DCUN1D2: variants seen among roughly 807,000 people sequenced by gnomAD.
DCUN1D2 encodes DCN1-like protein 2.
In DCUN1D2, 29 loss-of-function variants were observed where a neutral mutation model predicts 30.9. The observed-to-expected ratio is 0.94, with a 90% CI of 0.70 to 1.28. DCUN1D2 has a LOEUF of 1.28. DCUN1D2 is among the 50% of genes most tolerant of loss of function. The pLI, the probability that DCUN1D2 is intolerant of heterozygous loss-of-function variation, is 0.00. For synonymous variants in DCUN1D2, 121 were observed against 115.3 expected (o/e 1.05, Z -0.32); for missense variants, 325 against 316.9 (o/e 1.03, Z -0.19).
At chr13:113,463,813 CACAA>C (rs1047185942) in intron 4 of DCUN1D2, among the ~76,000 whole-genome samples, 6 of 152,006 alleles carry the variant, frequency 3.9e-5, no homozygotes, top group African/African-American at 1.4e-4. Flanking sequence ...TATAAACAGA[CACAA>C]ACACACACAC....
intron 4 of DCUN1D2, among the ~76,000 whole-genome samples, chr13:113,473,613 C>A (rs749991258): frequency 1.3e-5 from 2 of 151,796 alleles, no homozygotes; most frequent in Admixed American, 6.5e-5. Flanking sequence ...AGTTGAGAGA[C>A]GCTATCAACT....
chr13:113,490,679 G>C lies in DCUN1D2; in HGVS notation c.-10C>G. Reference sequence around the variant, plus strand: ...CCGGGCCACCTACCATCTCCCCCGCGCCGCCCGCTTCTGGCCGGCCCCGGC... The same window carrying C: ...CCGGGCCACCTACCATCTCCCCCGCCCCGCCCGCTTCTGGCCGGCCCCGGC... On this transcript the variant is annotated 5_prime_UTR_variant, in exon 1 of 7. Transcript: ENST00000478244. The surrounding 1 kb of genome is among the most constrained non-coding windows in gnomAD (Gnocchi z 5.2). 1 of 1,243,758 alleles carries C rather than the reference G, an allele frequency of 8.0e-7. No homozygotes were observed. Among genetic ancestry groups the C allele is most frequent in the Non-Finnish European group, 1.0e-6 (1 of 992,352 alleles). 77.0% of individuals were successfully genotyped at this position (1,243,758 alleles called of 1,614,324 possible).
intron 4 of DCUN1D2, among the ~76,000 whole-genome samples, chr13:113,465,634 G>A (rs1374519102): frequency 6.6e-6 from 1 of 150,890 alleles, no homozygotes; most frequent in Non-Finnish European, 1.5e-5. Context: ...CTCATCTCAA[G>A]TCTTCCTCCA....
intron 3 of DCUN1D2, among the ~76,000 whole-genome samples, chr13:113,478,549 T>C (rs1242688027): frequency 2.0e-5 from 3 of 152,180 alleles, no homozygotes; most frequent in African/African-American, 7.2e-5. Context: ...TCTTTTTCTA[T>C]TTCTTGAGAT....
chr13:113,484,293 T>A, intron 1 of DCUN1D2: 3 of 828,620 alleles, frequency 3.6e-6, no homozygotes, highest in Non-Finnish European at 5.3e-6. Context: ...TACATTCTGA[T>A]CTCTATCCAG....
upstream of DCUN1D2, chr13:113,491,134 G>A (rs1190462483): frequency 6.6e-6 from 1 of 152,574 alleles, no homozygotes; most frequent in African/African-American, 2.4e-5. Flanking sequence ...AGGGATGCAA[G>A]GAAGCCCTCC....
chr13:113,468,264 G>A (rs900134589), intron 4 of DCUN1D2, among the ~76,000 whole-genome samples: 2 of 152,028 alleles, frequency 1.3e-5, no homozygotes, highest in African/African-American at 2.4e-5. Flanking sequence ...TATACCAAGC[G>A]GAATGAGCTG....
At chr13:113,470,231 GGTTTGTATCCCCGGAGCCAT>G (rs2044478734) in intron 4 of DCUN1D2, among the ~76,000 whole-genome samples, 1 of 152,182 alleles carries the variant, frequency 6.6e-6, no homozygotes, top group Non-Finnish European at 1.5e-5. Context: ...ACGCTGTCCA[GGTTTGTATCCCCGGAGCCAT>G]GGGCTGTGCC....
chr13:113,480,267 C>T (rs1008882238), intron 3 of DCUN1D2, among the ~76,000 whole-genome samples: 9 of 151,016 alleles, frequency 6.0e-5, no homozygotes, highest in Non-Finnish European at 1.0e-4. Flanking sequence ...TGAAATAACA[C>T]GAATGAACTG....
chr13:113,467,280 C>T (rs1402977679), intron 4 of DCUN1D2, among the ~76,000 whole-genome samples: 1 of 152,158 alleles, frequency 6.6e-6, no homozygotes, highest in Non-Finnish European at 1.5e-5. Flanking sequence ...GAGGACGTGA[C>T]AGCCTCTGAG....
rs1376681653 is a variant in DCUN1D2, at chr13:113,483,972, A to G, written c.88T>C (p.Leu30=). 1 of 1,614,120 alleles carries G rather than the reference A, an allele frequency of 6.2e-7. No homozygotes were observed. Among genetic ancestry groups the G allele is most frequent in the Non-Finnish European group, 8.5e-7 (1 of 1,180,062 alleles). Residue 30 remains leucine (L), a synonymous_variant, in exon 2 of 7, where the codon TTA becomes CTA. Transcript: ENST00000478244. The part of the protein sequence containing the change: ...QAGERTAIYC[L]TQNEWRLDEA... ...TCTAGTCTCCACTCATTCTGCGTTA[A>G]GCAGTAGATAGCAGTTCTCTCGCCA...
At chr13:113,472,920 C>T (rs1035870160) in intron 4 of DCUN1D2, among the ~76,000 whole-genome samples, 3 of 152,148 alleles carry the variant, frequency 2.0e-5, no homozygotes, top group African/African-American at 7.2e-5. Context: ...TGTTCTCTCT[C>T]ACCAGCCCCG....
At position 113,483,893 on chromosome 13, in the gene DCUN1D2, A is replaced by C. The variant is rs746740224; in HGVS notation, c.167T>G (p.Met56Arg). ...CTTCTTCTTGTCCACAGCGTTCCGC[A>C]TGGACTCCCTGTGGAGCGAGTCTGG... ...QNPDSLHRES[M>R]RNAVDKKKLE... Residue 56 changes from methionine (M) to arginine (R), a missense_variant, in exon 2 of 7, where the codon ATG becomes AGG. Transcript: ENST00000478244. The C allele has an allele frequency of 3.1e-6, 5 of 1,613,740 alleles. 1 individual carries two copies. The South Asian group carries it at 5.5e-5, about 18-fold the overall frequency.
At chr13:113,474,978 C>G (rs2044588600) in intron 3 of DCUN1D2, among the ~76,000 whole-genome samples, 1 of 152,146 alleles carries the variant, frequency 6.6e-6, no homozygotes, top group South Asian at 2.1e-4. Flanking sequence ...CCTTTAAAAA[C>G]AGTCAACAGC....
intron 2 of DCUN1D2, among the ~76,000 whole-genome samples, chr13:113,481,874 A>AAAG (rs1424180097): frequency 4.6e-5 from 7 of 152,124 alleles, no homozygotes; most frequent in African/African-American, 1.7e-4. Flanking sequence ...ACAAAAAAAA[A>AAAG]AAAAAAGAAA....
At position 113,490,471 on chromosome 13, in the gene DCUN1D2, TC is replaced by T. The variant is rs1382736250; in HGVS notation, c.3+195del. 3.9e-6 allele frequency: 2 copies of T among 517,258 alleles called. No individual in the cohort carries two copies. The highest frequency in any genetic ancestry group is 5.9e-6 in the Non-Finnish European group (2 of 339,256). The allele number at this position is 517,258 out of a possible 1,614,324, so 32.0% of individuals were successfully genotyped here. ...TCGCGGCTCCGGGTCAAACCCGCGCTCCCCGCGGTCCCGCGCCTCCGACGCC... is the reference window on the plus strand; with the variant it reads ...TCGCGGCTCCGGGTCAAACCCGCGCTCCCGCGGTCCCGCGCCTCCGACGCC... On this transcript the variant is annotated intron_variant, in intron 1 of 6. Coordinates refer to ENST00000478244, the MANE Select transcript of DCUN1D2 (RefSeq NM_001014283.2). The surrounding 1 kb of genome is among the most constrained non-coding windows in gnomAD (Gnocchi z 5.2).
chr13:113,459,050 A>G (rs565361618), intron 6 of DCUN1D2, among the ~76,000 whole-genome samples: 1 of 152,320 alleles, frequency 6.6e-6, no homozygotes, highest in South Asian at 2.1e-4. Flanking sequence ...CCCAATACCT[A>G]ACTCCATGGC....
Position 113,456,538 on chromosome 13 carries a change from G to T in DCUN1D2, c.*1491C>A, listed in dbSNP as rs1469238245. ...AGCAGCTCCAGCTGGTCCACGTCCT[G>T]CACAGTGCTGCAGGGGGGCAGCAAG... On this transcript the variant is annotated 3_prime_UTR_variant, in exon 7 of 7. Transcript: ENST00000478244. 1 of 396,752 alleles carries T rather than the reference G, an allele frequency of 2.5e-6. No individual in the cohort carries two copies. Among genetic ancestry groups the T allele is most frequent in the African/African-American group, 2.1e-5 (1 of 48,604 alleles). 24.6% of individuals were successfully genotyped at this position (396,752 alleles called of 1,614,324 possible).
rs1185179711 is a variant in DCUN1D2, at chr13:113,456,489, C to T, written c.*1540G>A. The T allele has an allele frequency of 2.3e-5, 9 of 397,834 alleles. No individual in the cohort carries two copies. Among genetic ancestry groups the T allele is most frequent in the Non-Finnish European group, 2.7e-5 (6 of 225,964 alleles). The allele number at this position is 397,834 out of a possible 1,614,324, so 24.6% of individuals were successfully genotyped here. A position where few individuals can be genotyped will look rare whatever the true frequency, so the allele number is the denominator to read the frequency against. On this transcript the variant is annotated 3_prime_UTR_variant, in exon 7 of 7. Coordinates refer to ENST00000478244, the MANE Select transcript of DCUN1D2 (RefSeq NM_001014283.2). ...TCTCACACCGCAGCTAGGTCATCTG[C>T]GGCGACTCTCCTCTGTGCTGGGCAG... is the stretch of plus-strand genomic sequence containing the variant.
Sources: allele counts gnomAD v4.1 joint callset (sites outside exome capture counted in the v4.1 genomes callset), GRCh38; gene constraint gnomAD v4.1.1; non-coding constraint Gnocchi (gnomAD v3.1); transcripts MANE v1.5; gene names NCBI Gene and HGNC (gene_info 2026-07-23, HGNC 2026-07-21).